The following ZFPM2 variants were observed in gnomAD, a reference collection of about 807,000 sequenced individuals.
ZFPM2 encodes the protein zinc finger protein ZFPM2.
A neutral mutation model predicts 98.6 loss-of-function variants in ZFPM2; 20 were observed. The observed-to-expected ratio is 0.20, with a 90% CI of 0.14 to 0.29. ZFPM2 has a LOEUF of 0.29. Ranked by LOEUF, ZFPM2 falls within the 10% of genes least tolerant of loss-of-function variation. The pLI is 1.00. For missense variants in ZFPM2, 1,310 were observed against 1,388.6 expected, an observed-to-expected ratio of 0.94 and a Z score of 0.90; for synonymous variants, 518 against 502.7, an observed-to-expected ratio of 1.03 and a Z score of -0.41.
chr8:105,443,330 A>AAAAAAC (rs1812300968), intron 2 of ZFPM2, among the ~76,000 whole-genome samples: 2 of 150,226 alleles, frequency 1.3e-5, no homozygotes, highest in African/African-American at 2.5e-5. Context: ...AAAAAACAAA[A>AAAAAAC]AAAAAAAAAC....
At chr8:105,391,502 T>C in intron 1 of ZFPM2, among the ~76,000 whole-genome samples, 1 of 152,238 alleles carries the variant, frequency 6.6e-6, no homozygotes, top group Non-Finnish European at 1.5e-5. Context: ...CTTGCAATGC[T>C]GTTTGATAGT....
chr8:105,499,632 C>T (rs1813547785), intron 3 of ZFPM2, among the ~76,000 whole-genome samples: 1 of 152,116 alleles, frequency 6.6e-6, no homozygotes, highest in Admixed American at 6.6e-5. Flanking sequence ...ACTTTTCTTT[C>T]ATATCCCACA....
intron 5 of ZFPM2, among the ~76,000 whole-genome samples, chr8:105,781,814 ATAAC>A (rs950339605): frequency 3.9e-4 from 60 of 152,310 alleles, no homozygotes; most frequent in African/African-American, 1.1e-3. Flanking sequence ...ACTCTATCTA[ATAAC>A]TAACTATGTA....
intron 4 of ZFPM2, among the ~76,000 whole-genome samples, chr8:105,575,319 G>A (rs909326187): frequency 7.2e-5 from 11 of 152,120 alleles, no homozygotes; most frequent in Non-Finnish European, 1.0e-4. Flanking sequence ...ACAATGAGCC[G>A]TTGTATCACC....
At chr8:105,430,901 C>CTT (rs570944607) in intron 2 of ZFPM2, among the ~76,000 whole-genome samples, 44 of 128,792 alleles carry the variant, frequency 3.4e-4, no homozygotes, top group African/African-American at 9.5e-4. Flanking sequence ...TTGTCCACAA[C>CTT]TTTTTTTTTT....
intron 5 of ZFPM2, among the ~76,000 whole-genome samples, chr8:105,767,869 A>G (rs941730243): frequency 7.2e-5 from 11 of 151,882 alleles, no homozygotes; most frequent in Non-Finnish European, 1.3e-4. Flanking sequence ...CAAAATTTAG[A>G]TGTTTGAAAA....
chr8:105,604,216 G>T (rs1816150679), intron 4 of ZFPM2, among the ~76,000 whole-genome samples: 1 of 151,948 alleles, frequency 6.6e-6, no homozygotes, highest in Non-Finnish European at 1.5e-5. Context: ...AAATCTGGGA[G>T]TTAGCCTTAA....
chr8:105,347,114 G>A (rs1027938683), intron 1 of ZFPM2, among the ~76,000 whole-genome samples: 7 of 152,052 alleles, frequency 4.6e-5, no homozygotes, highest in Non-Finnish European at 1.5e-5. Context: ...AAACAATTTT[G>A]AATGATGTAA....
At chr8:105,417,080 T>C (rs1563649019) in intron 1 of ZFPM2, among the ~76,000 whole-genome samples, 1 of 150,628 alleles carries the variant, frequency 6.6e-6, no homozygotes, top group Non-Finnish European at 1.5e-5. Context: ...GCCCAGGAAT[T>C]TGAAACTGCA....
At chr8:105,695,958 T>G (rs1306080179) in intron 5 of ZFPM2, among the ~76,000 whole-genome samples, 2 of 152,194 alleles carry the variant, frequency 1.3e-5, no homozygotes, top group Non-Finnish European at 2.9e-5. Context: ...GCAGAATCTT[T>G]GTCTTACTTT....
chr8:105,388,335 A>T (rs1811042487), intron 1 of ZFPM2, among the ~76,000 whole-genome samples: 1 of 151,876 alleles, frequency 6.6e-6, no homozygotes, highest in African/African-American at 2.4e-5. Context: ...GGAAAAGGAG[A>T]TGGGGTTGGG....
intron 5 of ZFPM2, among the ~76,000 whole-genome samples, chr8:105,733,134 G>A (rs188217601): frequency 7.5e-4 from 114 of 151,970 alleles, no homozygotes; most frequent in African/African-American, 2.1e-3. Context: ...ATATCTAATA[G>A]ATACAGTAAT....
chr8:105,341,890 CATT>C (rs1352986721), intron 1 of ZFPM2, among the ~76,000 whole-genome samples: 1 of 151,964 alleles, frequency 6.6e-6, no homozygotes, highest in Non-Finnish European at 1.5e-5. Context: ...GCTAAAAGTT[CATT>C]GGGCTTTTGT....
chr8:105,422,661 A>T (rs1265935199), intron 2 of ZFPM2, among the ~76,000 whole-genome samples: 1 of 152,114 alleles, frequency 6.6e-6, no homozygotes, highest in African/African-American at 2.4e-5. Context: ...TTGTAAATTG[A>T]ATGTTTTTTT....
chr8:105,371,375 T>C (rs1471445825), intron 1 of ZFPM2, among the ~76,000 whole-genome samples: 1 of 152,194 alleles, frequency 6.6e-6, no homozygotes, highest in African/African-American at 2.4e-5. Flanking sequence ...TACACTTGGC[T>C]TTCCTGAGTT....
intron 4 of ZFPM2, among the ~76,000 whole-genome samples, chr8:105,625,625 G>A (rs1207726717): frequency 1.3e-5 from 2 of 150,906 alleles, no homozygotes; most frequent in East Asian, 3.9e-4. Flanking sequence ...TTATACCCCA[G>A]GCTGGAGTGC....
At chr8:105,366,778 TTTGCCCATGAAGTCC>T (rs1376247673) in intron 1 of ZFPM2, among the ~76,000 whole-genome samples, 2 of 151,408 alleles carry the variant, frequency 1.3e-5, no homozygotes, top group Non-Finnish European at 2.9e-5. Context: ...TGTTTGGGTT[TTTGCCCATGAAGTCC>T]TTGCCCATGC....
In ZFPM2 at chr8:105,419,154, A is replaced by G; in HGVS notation, c.51A>G (p.Glu17=). The G allele has an allele frequency of 1.2e-6, 2 of 1,612,060 alleles. No homozygotes were observed. The highest frequency in any genetic ancestry group is 1.3e-5 in the African/African-American group (1 of 74,974). ...SKPRQIKRPL[E]DAIEDEEEEC... ...TGATTCTTTTTCAAGGGCCGCTTGAAGATGCCATTGAAGATGAGGAAGAAG... is the reference window on the plus strand; with the variant it reads ...TGATTCTTTTTCAAGGGCCGCTTGAGGATGCCATTGAAGATGAGGAAGAAG... Residue 17 remains glutamate, a synonymous_variant, in exon 2 of 8, where the codon GAA becomes GAG. Transcript: ENST00000407775.
intron 3 of ZFPM2, among the ~76,000 whole-genome samples, chr8:105,531,444 C>G (rs1018394822): frequency 6.6e-6 from 1 of 152,122 alleles, no homozygotes; most frequent in African/African-American, 2.4e-5. Context: ...ATAGCATTCT[C>G]TGTGTGTCTT....
Sources: allele counts gnomAD v4.1 joint callset (sites outside exome capture counted in the v4.1 genomes callset), GRCh38; gene constraint gnomAD v4.1.1; transcripts MANE v1.5; gene names NCBI Gene and HGNC (gene_info 2026-07-23, HGNC 2026-07-21).